The following CPNE4 variants were observed in gnomAD, a reference collection of about 807,000 sequenced individuals.
The protein encoded by CPNE4 is copine 4, also known as copine-4.
A neutral mutation model predicts 67.9 loss-of-function variants in CPNE4; 25 were observed. That is an observed-to-expected ratio of 0.37 (90% confidence interval 0.27 to 0.51). The LOEUF is 0.51. CPNE4 is among the 20% of genes least tolerant of loss of function. The pLI is 0.93. For synonymous variants in CPNE4, 242 were observed against 244.9 expected, an observed-to-expected ratio of 0.99 and a Z score of 0.11; for missense variants, 464 against 690.8, an observed-to-expected ratio of 0.67 and a Z score of 3.68.
chr3:132,011,370 T>TA (rs140770248), intron 1 of CPNE4, among the ~76,000 whole-genome samples: 1 of 152,180 alleles, frequency 6.6e-6, no homozygotes, highest in Non-Finnish European at 1.5e-5. Context: ...GGATTCCTTG[T>TA]AAAAAAGCTT....
At chr3:131,608,859 C>T (rs114232992) in intron 7 of CPNE4, among the ~76,000 whole-genome samples, 1 of 152,168 alleles carries the variant, frequency 6.6e-6, no homozygotes, top group African/African-American at 2.4e-5. Flanking sequence ...CCACAACACT[C>T]CCCCACCTCC....
intron 1 of CPNE4, among the ~76,000 whole-genome samples, chr3:131,978,514 T>TTA (rs1209915945): frequency 1.1e-3 from 84 of 76,552 alleles, no homozygotes; most frequent in African/African-American, 5.2e-3. Flanking sequence ...TTATATATAT[T>TTA]TATTTATATA....
chr3:131,567,864 C>T (rs187867138), intron 10 of CPNE4, among the ~76,000 whole-genome samples: 2 of 152,066 alleles, frequency 1.3e-5, no homozygotes, highest in East Asian at 3.9e-4. Context: ...TAGTATTGGG[C>T]TGCCTGTTCT....
At chr3:131,617,382 T>A (rs955620067) in intron 7 of CPNE4, among the ~76,000 whole-genome samples, 2 of 152,216 alleles carry the variant, frequency 1.3e-5, no homozygotes, top group African/African-American at 4.8e-5. Context: ...GCTCTAATGC[T>A]GTCACATCCC....
chr3:131,801,450 GTGTA>G (rs1173473322), intron 2 of CPNE4, among the ~76,000 whole-genome samples: 28 of 39,578 alleles, frequency 7.1e-4, no homozygotes, highest in African/African-American at 1.9e-3. Context: ...GTGTGTGTGT[GTGTA>G]TATATATATA....
intron 2 of CPNE4, among the ~76,000 whole-genome samples, chr3:131,888,089 T>A (rs984085402): frequency 6.6e-6 from 1 of 152,206 alleles, no homozygotes; most frequent in Non-Finnish European, 1.5e-5. Context: ...GGAACTGGAA[T>A]AAGTAATCCA....
At chr3:131,833,281 A>C (rs2085443815) in intron 2 of CPNE4, among the ~76,000 whole-genome samples, 1 of 152,218 alleles carries the variant, frequency 6.6e-6, no homozygotes, top group African/African-American at 2.4e-5. Flanking sequence ...TTGAATGGAG[A>C]ATAACTGGAA....
intron 2 of CPNE4, among the ~76,000 whole-genome samples, chr3:131,836,135 G>T (rs555100258): frequency 3.3e-4 from 51 of 152,270 alleles, no homozygotes; most frequent in African/African-American, 1.2e-3. Flanking sequence ...AAGTGGCGCA[G>T]ATCAGAATAG....
intron 2 of CPNE4, among the ~76,000 whole-genome samples, chr3:131,792,670 TAC>T (rs869062457): frequency 0.037 from 2,648 of 71,694 alleles, 387 homozygotes; most frequent in Non-Finnish European, 0.056. Flanking sequence ...CGTGTATATA[TAC>T]ATATATACAC....
chr3:131,947,299 A>G (rs745557195), intron 1 of CPNE4, among the ~76,000 whole-genome samples: 3 of 152,110 alleles, frequency 2.0e-5, no homozygotes, highest in Non-Finnish European at 4.4e-5. Flanking sequence ...TACATGTGCC[A>G]TGGTGGTTTG....
intron 2 of CPNE4, among the ~76,000 whole-genome samples, chr3:131,743,346 A>C (rs541428674): frequency 1.3e-5 from 2 of 152,326 alleles, no homozygotes; most frequent in South Asian, 4.1e-4. Flanking sequence ...TAACCTTTAC[A>C]AAATAGATAA....
rs756469989 is a variant in CPNE4, at chr3:131,699,892, A to T, written c.432+17T>A. The T allele has an allele frequency of 6.2e-7, 1 of 1,609,862 alleles. No homozygotes were observed. Among genetic ancestry groups the T allele is most frequent in the South Asian group, 1.1e-5 (1 of 90,660 alleles). On this transcript the variant is annotated intron_variant, in intron 4 of 15. Transcript: ENST00000429747. The stretch of plus-strand genomic sequence containing the variant: ...TCTCCACTCAGGCAGACAGCTGCTT[A>T]GGGAGTGCCTGCTTACCGTGATGGA...
chr3:131,685,669 C>A (rs1035167232), intron 6 of CPNE4, among the ~76,000 whole-genome samples: 10 of 152,144 alleles, frequency 6.6e-5, no homozygotes, highest in Non-Finnish European at 1.0e-4. Context: ...GTAGTCCCAG[C>A]TACTCAGGAG....
At chr3:131,724,592 G>C (rs1300504634) in intron 2 of CPNE4, among the ~76,000 whole-genome samples, 1 of 152,216 alleles carries the variant, frequency 6.6e-6, no homozygotes, top group East Asian at 1.9e-4. Flanking sequence ...TGGGAGAACA[G>C]AGAGGTGCAG....
intron 11 of CPNE4, among the ~76,000 whole-genome samples, chr3:131,562,386 T>C (rs1240563220): frequency 2.0e-5 from 3 of 151,950 alleles, no homozygotes; most frequent in African/African-American, 7.2e-5. Context: ...AACCCATCAG[T>C]CTTCTGTTTG....
intron 5 of CPNE4, among the ~76,000 whole-genome samples, chr3:131,695,754 A>G (rs2081140625): frequency 6.6e-6 from 1 of 152,218 alleles, no homozygotes; most frequent in Non-Finnish European, 1.5e-5. Context: ...TGATGGTTTC[A>G]TATAATCTAT....
chr3:131,923,306 A>G (rs1406292453), intron 1 of CPNE4, among the ~76,000 whole-genome samples: 5 of 152,230 alleles, frequency 3.3e-5, no homozygotes, highest in African/African-American at 7.2e-5. Flanking sequence ...CAAACATTCT[A>G]TCTGCTCCCT....
intron 2 of CPNE4, among the ~76,000 whole-genome samples, chr3:131,735,590 G>T (rs2107768541): frequency 6.6e-6 from 1 of 152,284 alleles, no homozygotes; most frequent in Middle Eastern, 3.4e-3. Flanking sequence ...CTCTTTCTCT[G>T]TCATGAAATA....
chr3:131,951,032 C>T (rs964242013), intron 1 of CPNE4, among the ~76,000 whole-genome samples: 1 of 152,096 alleles, frequency 6.6e-6, no homozygotes, highest in African/African-American at 2.4e-5. Flanking sequence ...TGGTCAACTA[C>T]TTCTACATAT....
Sources: allele counts gnomAD v4.1 joint callset (sites outside exome capture counted in the v4.1 genomes callset), GRCh38; gene constraint gnomAD v4.1.1; transcripts MANE v1.5; gene names NCBI Gene and HGNC (gene_info 2026-07-23, HGNC 2026-07-21).